ZFPM2: variants seen among roughly 807,000 people sequenced by gnomAD.
The protein encoded by ZFPM2 is zinc finger protein ZFPM2.
A neutral mutation model predicts 98.6 loss-of-function variants in ZFPM2; 20 were observed. The observed-to-expected ratio is 0.20, with a 90% confidence interval of 0.14 to 0.29. ZFPM2 has a LOEUF of 0.29. ZFPM2 is among the 10% of genes least tolerant of loss of function. ZFPM2 has a pLI of 1.00. For missense variants in ZFPM2, 1,310 were observed against 1,388.6 expected (o/e 0.94, Z 0.90); for synonymous variants, 518 against 502.7 (o/e 1.03, Z -0.41).
At chr8:105,613,466 T>TA (rs1050374500) in intron 4 of ZFPM2, among the ~76,000 whole-genome samples, 248 of 151,960 alleles carry the variant, frequency 1.6e-3, no homozygotes, top group African/African-American at 4.5e-3. Flanking sequence ...ACAAATGTGG[T>TA]AAAAAAAATA....
rs1814133576 is a variant in ZFPM2, at chr8:105,804,192, A to G, written c.*654A>G. The G allele has an allele frequency of 6.6e-6, 1 of 152,652 alleles. No individual in the cohort carries two copies. The highest frequency in any genetic ancestry group is 1.9e-4 in the East Asian group (1 of 5,164). 9.5% of individuals were successfully genotyped at this position (152,652 alleles called of 1,614,324 possible). On this transcript the variant is annotated 3_prime_UTR_variant, in exon 8 of 8. Coordinates refer to ENST00000407775, the MANE Select transcript of ZFPM2 (RefSeq NM_012082.4). Reference sequence around the variant, plus strand: ...GATGGCAATTTTTTTCTTGTATAGTACTTGTATTTTCTTTCGCTGATGCAG... The same window carrying G: ...GATGGCAATTTTTTTCTTGTATAGTGCTTGTATTTTCTTTCGCTGATGCAG...
At chr8:105,424,569 ATTC>A (rs1176159952) in intron 2 of ZFPM2, among the ~76,000 whole-genome samples, 1 of 152,142 alleles carries the variant, frequency 6.6e-6, no homozygotes, top group Non-Finnish European at 1.5e-5. Context: ...TATTTTAAAG[ATTC>A]TTTAACATAA....
In ZFPM2 at chr8:105,616,063, G is replaced by T. The variant is rs533410177; in HGVS notation, c.421-18183G>T. On this transcript the variant is annotated intron_variant, in intron 4 of 7. Transcript: ENST00000407775. ...CTTTTTATAGCATATGGTGTAAGAAGAATTTGCATATTCTGAAATGTTTAT... is the reference window on the plus strand; with the variant it reads ...CTTTTTATAGCATATGGTGTAAGAATAATTTGCATATTCTGAAATGTTTAT... Among the ~76,000 whole-genome samples the T allele has an allele frequency of 1.4e-4, 21 of 152,070 alleles. No homozygotes were observed. In the South Asian group the frequency reaches 2.5e-3, roughly 18 times the overall value.
At chr8:105,524,308 G>T (rs1417216810) in intron 3 of ZFPM2, among the ~76,000 whole-genome samples, 1 of 151,942 alleles carries the variant, frequency 6.6e-6, no homozygotes. Flanking sequence ...ATTCTCAATG[G>T]TATCCTTAGT....
chr8:105,790,803 C>A (rs1813585799), intron 6 of ZFPM2, among the ~76,000 whole-genome samples: 1 of 152,142 alleles, frequency 6.6e-6, no homozygotes, highest in African/African-American at 2.4e-5. Flanking sequence ...TTGAAGAGGT[C>A]CTTCACATCC....
chr8:105,379,475 C>T (rs557944814), intron 1 of ZFPM2, among the ~76,000 whole-genome samples: 17 of 152,206 alleles, frequency 1.1e-4, no homozygotes, highest in South Asian at 8.3e-4. Flanking sequence ...TACATTGGTC[C>T]GGGCACGGTG....
At chr8:105,682,923 A>G (rs753084705) in intron 5 of ZFPM2, among the ~76,000 whole-genome samples, 7 of 152,144 alleles carry the variant, frequency 4.6e-5, no homozygotes, top group Admixed American at 2.6e-4. Flanking sequence ...GTAACAAAAT[A>G]CCACAGACTG....
Position 105,678,219 on chromosome 8 carries a change from G to T in ZFPM2, c.532+43862G>T, listed in dbSNP as rs1810513680. On this transcript the variant is annotated intron_variant, in intron 5 of 7. Transcript: ENST00000407775. ...ACATTAGGCTTCTGTTGTGCATTTT[G>T]TCAGCCCTCTCTTTGCTTTTCCAGA... Among the ~76,000 whole-genome samples the T allele has an allele frequency of 3.3e-5, 5 of 152,096 alleles. No individual in the cohort carries two copies. The South Asian group carries it at 1.0e-3, about 32-fold the overall frequency.
chr8:105,360,367 A>C (rs1366745622), intron 1 of ZFPM2, among the ~76,000 whole-genome samples: 1 of 152,232 alleles, frequency 6.6e-6, no homozygotes, highest in Non-Finnish European at 1.5e-5. Context: ...ATTAAAATAA[A>C]TACATGATTG....
intron 6 of ZFPM2, among the ~76,000 whole-genome samples, chr8:105,792,790 T>A (rs1169545029): frequency 1.3e-5 from 2 of 152,200 alleles, no homozygotes; most frequent in Admixed American, 6.5e-5. Context: ...GCATATATAT[T>A]TAGGATAGTT....
intron 5 of ZFPM2, among the ~76,000 whole-genome samples, chr8:105,752,023 T>G (rs1437530575): frequency 6.6e-6 from 1 of 152,156 alleles, no homozygotes; most frequent in African/African-American, 2.4e-5. Flanking sequence ...TGTGTGGTTT[T>G]GCTCATATTT....
chr8:105,699,747 C>A lies in ZFPM2; in HGVS notation c.532+65390C>A, dbSNP rs1475329879. ...AAGTGAGAAATATAATGCAAACTCTCAAATAATTAATTTGATTACATTGAA... is the reference window on the plus strand; with the variant it reads ...AAGTGAGAAATATAATGCAAACTCTAAAATAATTAATTTGATTACATTGAA... On this transcript the variant is annotated intron_variant, in intron 5 of 7. Coordinates refer to ENST00000407775, the MANE Select transcript of ZFPM2 (RefSeq NM_012082.4). Among the ~76,000 whole-genome samples the A allele has an allele frequency of 9.9e-5, 15 of 152,058 alleles. No individual in the cohort carries two copies. The East Asian group carries it at 2.9e-3, about 29-fold the overall frequency.
intron 5 of ZFPM2, among the ~76,000 whole-genome samples, chr8:105,741,857 A>C (rs1262519720): frequency 2.6e-5 from 4 of 152,094 alleles, no homozygotes; most frequent in Admixed American, 6.6e-5. Context: ...AACAAGATAC[A>C]GGTTTTGCCA....
At chr8:105,783,011 T>C (rs1008756167) in intron 5 of ZFPM2, among the ~76,000 whole-genome samples, 3 of 146,142 alleles carry the variant, frequency 2.1e-5, no homozygotes, top group African/African-American at 7.6e-5. Flanking sequence ...AACCAGGAAC[T>C]AAATTGTTCA....
At chr8:105,794,531 C>A (rs1813730058) in intron 6 of ZFPM2, among the ~76,000 whole-genome samples, 1 of 152,186 alleles carries the variant, frequency 6.6e-6, no homozygotes, top group Non-Finnish European at 1.5e-5. Context: ...GGTCAGGGGT[C>A]AGGGACCCAC....
chr8:105,601,690 A>G (rs1316837059), intron 4 of ZFPM2, among the ~76,000 whole-genome samples: 3 of 152,092 alleles, frequency 2.0e-5, no homozygotes, highest in Non-Finnish European at 4.4e-5. Context: ...CAAATGACAC[A>G]GAGAATTCTG....
chr8:105,797,734 A>C (rs75396773), intron 6 of ZFPM2, among the ~76,000 whole-genome samples: 1 of 152,202 alleles, frequency 6.6e-6, no homozygotes, highest in East Asian at 1.9e-4. Flanking sequence ...AAACCAGCTT[A>C]ATTTCATCCT....
At chr8:105,682,686 T>C (rs1810636892) in intron 5 of ZFPM2, among the ~76,000 whole-genome samples, 1 of 152,106 alleles carries the variant, frequency 6.6e-6, no homozygotes, top group Non-Finnish European at 1.5e-5. Context: ...CAGAACTCAG[T>C]CATATGCTAT....
chr8:105,559,733 C>T (rs1260111555), intron 3 of ZFPM2, among the ~76,000 whole-genome samples: 1 of 151,646 alleles, frequency 6.6e-6, no homozygotes, highest in Non-Finnish European at 1.5e-5. Context: ...AAGGAGGTGA[C>T]ACTAAATAGA....
Sources: gnomAD v4.1 joint callset for allele counts (sites outside exome capture counted in the v4.1 genomes callset) on GRCh38, gnomAD v4.1.1 for gene constraint, MANE v1.5 for transcripts, NCBI Gene and HGNC (gene_info 2026-07-23, HGNC 2026-07-21) for gene names.